CSMD1: variants seen among roughly 807,000 people sequenced by gnomAD.
CSMD1 encodes CUB and sushi domain-containing protein 1.
In CSMD1, 213 loss-of-function variants were observed where a neutral mutation model predicts 417.5. The observed-to-expected ratio is 0.51, with a 90% CI of 0.46 to 0.57. CSMD1 has a LOEUF of 0.57. CSMD1 is among the 20% of genes least tolerant of loss of function. The pLI, the probability that CSMD1 is intolerant of heterozygous loss-of-function variation, is 0.00. For synonymous variants in CSMD1, 2,862 were observed against 1,736.8 expected (o/e 1.65, Z -16.11); for missense variants, 6,923 against 4,529.7 (o/e 1.53, Z -15.17).
At chr8:4,764,480 A>G (rs114027481) in intron 1 of CSMD1, among the ~76,000 whole-genome samples, 3 of 152,168 alleles carry the variant, frequency 2.0e-5, no homozygotes, top group Admixed American at 2.0e-4. Flanking sequence ...TAAAAGTATT[A>G]AGTCGAGAAG....
chr8:2,969,868 G>T (rs544823230), intron 57 of CSMD1, among the ~76,000 whole-genome samples: 14 of 152,226 alleles, frequency 9.2e-5, no homozygotes, highest in African/African-American at 2.6e-4. Context: ...GCCTTATTGG[G>T]TGTAACATAT....
intron 2 of CSMD1, among the ~76,000 whole-genome samples, chr8:4,437,640 G>T (rs949377027): frequency 6.6e-6 from 1 of 152,142 alleles, no homozygotes; most frequent in African/African-American, 2.4e-5. Context: ...CCAGATCCCA[G>T]AGTCACACAA....
At chr8:3,257,856 G>C (rs1228428845) in intron 26 of CSMD1, among the ~76,000 whole-genome samples, 3 of 152,166 alleles carry the variant, frequency 2.0e-5, no homozygotes, top group African/African-American at 2.4e-5. Flanking sequence ...CTTGGGGCTT[G>C]ACTCAGTGAT....
At chr8:4,830,141 T>G (rs2117437447) in intron 1 of CSMD1, among the ~76,000 whole-genome samples, 1 of 152,242 alleles carries the variant, frequency 6.6e-6, no homozygotes, top group South Asian at 2.1e-4. Flanking sequence ...CCTGAATCAC[T>G]CCTGAGAAAT....
intron 10 of CSMD1, among the ~76,000 whole-genome samples, chr8:3,536,388 T>C (rs1284612622): frequency 2.6e-5 from 4 of 152,234 alleles, no homozygotes; most frequent in Non-Finnish European, 5.9e-5. Flanking sequence ...CCATTGATTC[T>C]ACTACGTGCA....
intron 12 of CSMD1, among the ~76,000 whole-genome samples, chr8:3,447,738 T>C (rs1815390957): frequency 6.6e-6 from 1 of 152,202 alleles, no homozygotes; most frequent in South Asian, 2.1e-4. Flanking sequence ...GACAGGTCAC[T>C]TGGAGTGGCC....
At chr8:3,888,940 G>C (rs1235397779) in intron 5 of CSMD1, among the ~76,000 whole-genome samples, 6 of 152,098 alleles carry the variant, frequency 3.9e-5, no homozygotes, top group Admixed American at 1.3e-4. Context: ...AGGTTTATGT[G>C]AAGATTTTAT....
intron 65 of CSMD1, among the ~76,000 whole-genome samples, chr8:2,953,597 TATTTAAAAATAATTTAA>T: frequency 6.6e-6 from 1 of 152,344 alleles, no homozygotes; most frequent in East Asian, 1.9e-4. Context: ...TACATTTTGT[TATTTAAAAATAATTTAA>T]ATTTAAAACA....
At chr8:3,549,868 T>A (rs1798834518) in intron 10 of CSMD1, among the ~76,000 whole-genome samples, 1 of 152,182 alleles carries the variant, frequency 6.6e-6, no homozygotes, top group African/African-American at 2.4e-5. Context: ...TGGAGTAACA[T>A]ATGCTCCAAG....
At chr8:3,662,804 C>A (rs1798486553) in intron 7 of CSMD1, among the ~76,000 whole-genome samples, 1 of 151,414 alleles carries the variant, frequency 6.6e-6, no homozygotes, top group Admixed American at 6.6e-5. Flanking sequence ...CACATGGACA[C>A]AGGGAGGGGA....
rs138804117 is a variant in CSMD1, at chr8:4,417,605, A to G, written c.415+2348T>C. On this transcript the variant is annotated intron_variant, in intron 3 of 69. Transcript: ENST00000635120. The stretch of plus-strand genomic sequence containing the variant: ...TATACGTCTTGGATTATACATCAGT[A>G]TTTTATTCTATTATTTGACTCATAC... Among the ~76,000 whole-genome samples, 198 of 152,146 alleles carry G rather than the reference A, an allele frequency of 1.3e-3. 2 individuals are homozygous for G. The East Asian group carries it at 0.03, about 23-fold the overall frequency.
intron 40 of CSMD1, among the ~76,000 whole-genome samples, chr8:3,147,380 G>T (rs890010017): frequency 1.2e-4 from 18 of 152,270 alleles, no homozygotes; most frequent in African/African-American, 4.3e-4. Flanking sequence ...AGAATCTTGT[G>T]AAAACCTTTG....
rs143609237 is a variant in CSMD1, at chr8:4,167,377, C to G, written c.416-135278G>C. The stretch of plus-strand genomic sequence containing the variant: ...CCTGGTGACACTTCAATTTAAATAA[C>G]AAACTATGTTAAATTTCATAGGCTA... On this transcript the variant is annotated intron_variant, in intron 3 of 69. Coordinates refer to ENST00000635120, the MANE Select transcript of CSMD1 (RefSeq NM_033225.6). 8.7e-3 allele frequency among the ~76,000 whole-genome samples: 1,319 copies of G among 152,202 alleles called. 25 individuals are homozygous for G. Among genetic ancestry groups the G allele is most frequent in the African/African-American group, 0.03 (1,261 of 41,528 alleles).
Position 3,753,945 on chromosome 8 carries a change from T to G in CSMD1, c.916A>C (p.Asn306His), listed in dbSNP as rs753401828. ...GCATCCTTACCTTGGAACTGAGCGTTAAATCCTTTGCGTCGGTGGTTGCTG... is the reference window on the plus strand; with the variant it reads ...GCATCCTTACCTTGGAACTGAGCGTGAAATCCTTTGCGTCGGTGGTTGCTG... ...SDSNHRRKGF[N>H]AQFQVKKAIE... The change falls in exon 6 of 70, where the codon AAC (asparagine) becomes CAC (histidine). Residue 306 changes from asparagine to histidine, a missense_variant. Physicochemically the swap from Asn to His is moderately conservative, Grantham distance 68. Transcript: ENST00000635120. The G allele has an allele frequency of 5.6e-6, 9 of 1,611,790 alleles. No individual in the cohort carries two copies. The highest frequency in any genetic ancestry group is 4.5e-5 in the East Asian group (2 of 44,842).
chr8:4,500,376 G>A (rs767902452), intron 2 of CSMD1, among the ~76,000 whole-genome samples: 3 of 152,170 alleles, frequency 2.0e-5, no homozygotes, highest in African/African-American at 4.8e-5. Flanking sequence ...AGACAAATGT[G>A]TTCATATATC....
At chr8:4,026,267 G>C (rs2740923) in intron 4 of CSMD1, among the ~76,000 whole-genome samples, 95,975 of 152,066 alleles carry the variant, frequency 0.63, 30,602 homozygotes, top group South Asian at 0.72. Flanking sequence ...AACATGTAAT[G>C]GAACGCAATT....
intron 3 of CSMD1, among the ~76,000 whole-genome samples, chr8:4,256,310 T>A (rs145232203): frequency 6.6e-6 from 1 of 152,176 alleles, no homozygotes; most frequent in Non-Finnish European, 1.5e-5. Context: ...TGTACAACAA[T>A]TTTGCAGAAA....
intron 1 of CSMD1, among the ~76,000 whole-genome samples, chr8:4,690,020 A>G (rs1280432153): frequency 6.6e-6 from 1 of 152,194 alleles, no homozygotes; most frequent in East Asian, 1.9e-4. Flanking sequence ...AAATAAAGCA[A>G]TGGGTTTAGA....
At chr8:3,925,500 C>T (rs553120909) in intron 5 of CSMD1, among the ~76,000 whole-genome samples, 7 of 152,114 alleles carry the variant, frequency 4.6e-5, no homozygotes, top group Admixed American at 2.0e-4. Context: ...GACACTGATG[C>T]GGTTTGGCTG....
Sources: gnomAD v4.1 joint callset for allele counts (sites outside exome capture counted in the v4.1 genomes callset) on GRCh38, gnomAD v4.1.1 for gene constraint, MANE v1.5 for transcripts, NCBI Gene and HGNC (gene_info 2026-07-23, HGNC 2026-07-21) for gene names.